The following MUC5B variants were observed in gnomAD, a reference collection of about 807,000 sequenced individuals.
MUC5B encodes the protein mucin 5B, oligomeric mucus/gel-forming, also known as mucin-5B.
MUC5B carries 116 observed loss-of-function variants against 376.9 expected under a neutral mutation model. The ratio of observed to expected loss-of-function variants is 0.31; its 90% CI spans 0.26 to 0.36. The LOEUF is 0.36. Among genes scored for constraint, MUC5B ranks in the 10% least tolerant of loss-of-function variants. The pLI, the probability that MUC5B is intolerant of heterozygous loss-of-function variation, is 1.00. For missense variants in MUC5B, 7,165 were observed against 7,769.9 expected (o/e 0.92, Z 2.93); for synonymous variants, 3,517 against 3,390.9 (o/e 1.04, Z -1.29).
chr11:1,259,516 C>T, intron 44 of MUC5B: 1 of 583,668 alleles, frequency 1.7e-6, no homozygotes. Flanking sequence ...CTGCAGGCTG[C>T]TGGGGACAGG....
rs2133856025 is a variant in MUC5B, at chr11:1,260,103, T to C, written c.16923+18T>C. The C allele has an allele frequency of 6.2e-7, 1 of 1,610,946 alleles. No individual in the cohort carries two copies. Among genetic ancestry groups the C allele is most frequent in the Non-Finnish European group, 8.5e-7 (1 of 1,178,886 alleles). On this transcript the variant is annotated intron_variant, in intron 46 of 48. Coordinates refer to ENST00000529681, the MANE Select transcript of MUC5B (RefSeq NM_002458.3). ...GCTGCAGGGTGTGTGCTGGAGGCCCTGCCCCTGCCTGGGAGTCCTTGTCCA... is the reference window on the plus strand; with the variant it reads ...GCTGCAGGGTGTGTGCTGGAGGCCCCGCCCCTGCCTGGGAGTCCTTGTCCA...
chr11:1,236,694 T>A lies in MUC5B; in HGVS notation c.3057+132T>A, dbSNP rs1590173682. 2.2e-5 allele frequency: 25 copies of A among 1,135,114 alleles called. No homozygotes were observed. In the East Asian group the frequency reaches 6.5e-4, roughly 30 times the overall value. The allele number at this position is 1,135,114 out of a possible 1,614,324, so 70.3% of individuals were successfully genotyped here. ...GCCTGGCTGGTGAGGGCCCTGCCTG[T>A]GGCCTCCACAGTGGGCAGAGGATTT... On this transcript the variant is annotated intron_variant, in intron 24 of 48. Transcript: ENST00000529681.
intron 39 of MUC5B, 28 bp downstream of exon 39, chr11:1,256,799 C>A: frequency 6.0e-6 from 9 of 1,498,064 alleles, no homozygotes; most frequent in Non-Finnish European, 8.0e-6. Flanking sequence ...TGGCGGGATA[C>A]GACCCTGGGC....
At position 1,258,279 on chromosome 11, in the gene MUC5B, G is replaced by C; in HGVS notation, c.16556-51G>C. 6.2e-7 allele frequency: 1 copy of C among 1,602,664 alleles called. No homozygotes were observed. The highest frequency in any genetic ancestry group is 8.5e-7 in the Non-Finnish European group (1 of 1,174,892). ...GGAGTGCAGGATGGTGGGGGCGCTG[G>C]AGCACATGCTCCCCACCACTTGTCG... On this transcript the variant is annotated intron_variant, in intron 42 of 48. Coordinates refer to ENST00000529681, the MANE Select transcript of MUC5B (RefSeq NM_002458.3). This position sits in a 1 kb window ranked among gnomAD's most constrained non-coding sequence, Gnocchi z 5.5.
Position 1,230,367 on chromosome 11 carries a change from G to A in MUC5B, c.1360-123G>A. ...GAGACAAGCTGCTGGGAGGTGACCA[G>A]AGGTGCCAAGGACCACCTCCCCACA... On this transcript the variant is annotated intron_variant, in intron 11 of 48. Coordinates refer to ENST00000529681, the MANE Select transcript of MUC5B (RefSeq NM_002458.3). 6 of 1,122,388 alleles carry A rather than the reference G, an allele frequency of 5.3e-6. No individual in the cohort carries two copies. The South Asian group carries it at 9.2e-5, about 17-fold the overall frequency. The allele number at this position is 1,122,388 out of a possible 1,614,324, so 69.5% of individuals were successfully genotyped here.
intron 7 of MUC5B, 55 bp from the exon 8 acceptor site, chr11:1,228,509 G>A (rs756471702): frequency 1.5e-5 from 22 of 1,443,378 alleles, no homozygotes; most frequent in African/African-American, 2.8e-5. Context: ...TTCCAGCACC[G>A]TGGCAGCCCC....
At position 1,227,102 on chromosome 11, in the gene MUC5B, G is replaced by A. The variant is rs747137289; in HGVS notation, c.533G>A (p.Arg178Gln). 21 of 1,612,414 alleles carry A rather than the reference G, an allele frequency of 1.3e-5. No individual in the cohort carries two copies. Among genetic ancestry groups the A allele is most frequent in the East Asian group, 2.2e-5 (1 of 44,892 alleles). ...QSGDYIKVSIRLVLTFLWNGE... is the reference protein window; with the variant it reads ...QSGDYIKVSIQLVLTFLWNGE... ...GGGGACTACATCAAGGTCAGCATCCGGCTGGTGCTGACATTCCTGTGGAAC... is the reference window on the plus strand; with the variant it reads ...GGGGACTACATCAAGGTCAGCATCCAGCTGGTGCTGACATTCCTGTGGAAC... The change falls in exon 5 of 49, where the codon CGG (arginine) becomes CAG (glutamine). Residue 178 changes from arginine to glutamine, a missense_variant. Physicochemically the swap from Arg to Gln is conservative, Grantham distance 43. This residue lies in a region of MUC5B where 640 missense variants were observed against 733.0 expected (regional missense o/e 0.87). Transcript: ENST00000529681.
Position 1,242,927 on chromosome 11 carries a change from C to A in MUC5B, c.6047C>A (p.Thr2016Asn). The change falls in exon 31 of 49, where the codon ACT becomes AAT. Residue 2016 changes from threonine (T) to asparagine (N), a missense_variant. Thr to Asn is a moderately conservative substitution (Grantham distance 65). Transcript: ENST00000529681. ...STATPSSTPE[T>N]AHTSTVLTAT... The stretch of plus-strand genomic sequence containing the variant: ...GCCACACCCTCCTCCACTCCAGAGA[C>A]TGCCCACACCTCCACAGTGCTTACC... 1 of 1,613,198 alleles carries A rather than the reference C, an allele frequency of 6.2e-7. No individual in the cohort carries two copies. The highest frequency in any genetic ancestry group is 8.5e-7 in the Non-Finnish European group (1 of 1,179,318).
chr11:1,258,252 G>T lies in MUC5B; in HGVS notation c.16555+49G>T. The T allele has an allele frequency of 6.3e-7, 1 of 1,577,832 alleles. No individual in the cohort carries two copies. Among genetic ancestry groups the T allele is most frequent in the East Asian group, 2.3e-5 (1 of 43,182 alleles). ...CCTGGGTGGCCTCTTGCTGGGGGTGGGGGAGTGCAGGATGGTGGGGGCGCT... is the reference window on the plus strand; with the variant it reads ...CCTGGGTGGCCTCTTGCTGGGGGTGTGGGAGTGCAGGATGGTGGGGGCGCT... On this transcript the variant is annotated intron_variant, in intron 42 of 48. Coordinates refer to ENST00000529681, the MANE Select transcript of MUC5B (RefSeq NM_002458.3). The surrounding 1 kb of genome is among the most constrained non-coding windows in gnomAD (Gnocchi z 5.5).
At chr11:1,231,936 G>C in intron 14 of MUC5B, 60 bp from the exon 15 acceptor site, 49 of 1,603,312 alleles carry the variant, frequency 3.1e-5, no homozygotes, top group Non-Finnish European at 4.1e-5. Context: ...GGGATGGCAG[G>C]GGCCAGGAGC....
intron 8 of MUC5B, among the ~76,000 whole-genome samples, 191 bp downstream of exon 8, chr11:1,228,956 AGGAGAGGCTGT>A (rs1424261914): frequency 4.8e-4 from 72 of 150,002 alleles, no homozygotes; most frequent in Non-Finnish European, 1.2e-4. Flanking sequence ...CTGCAGGAGA[AGGAGAGGCTGT>A]GGAGAGGCTG....
At position 1,231,545 on chromosome 11, in the gene MUC5B, C is replaced by G. The variant is rs1373591648; in HGVS notation, c.1663C>G (p.Gln555Glu). 3 of 1,581,518 alleles carry G rather than the reference C, an allele frequency of 1.9e-6. No homozygotes were observed. Among genetic ancestry groups the G allele is most frequent in the South Asian group, 1.1e-5 (1 of 87,252 alleles). ...QVFVRLDPAH[Q>E]GQMCGLCGNF... Reference sequence around the variant, plus strand: ...GTTTGTCAGGCTGGACCCCGCCCACCAGGGCCAGATGTGCGGTGAGGCTGG... The same window carrying G: ...GTTTGTCAGGCTGGACCCCGCCCACGAGGGCCAGATGTGCGGTGAGGCTGG... The change falls in exon 14 of 49, where the codon CAG becomes GAG. Residue 555 changes from glutamine (Q) to glutamate (E), a missense_variant. Gln to Glu is a conservative substitution (Grantham distance 29). Coordinates refer to ENST00000529681, the MANE Select transcript of MUC5B (RefSeq NM_002458.3).
At chr11:1,231,044 C>G (rs756705082) in intron 13 of MUC5B, 39 bp downstream of exon 13, 1 of 1,540,674 alleles carries the variant, frequency 6.5e-7, no homozygotes. Flanking sequence ...TGGGTGGCGC[C>G]TGCTTGCAGG....
At chr11:1,260,907 C>T (rs976382192) in intron 48 of MUC5B, among the ~76,000 whole-genome samples, 179 bp downstream of exon 48, 1 of 152,220 alleles carries the variant, frequency 6.6e-6, no homozygotes, top group Non-Finnish European at 1.5e-5. Context: ...AGCCTGGGGC[C>T]GCTCTCCTAG....
In MUC5B at chr11:1,251,473, G is replaced by A. The variant is rs866049956; in HGVS notation, c.14593G>A (p.Ala4865Thr). The A allele has an allele frequency of 1.9e-6, 3 of 1,612,198 alleles. No individual in the cohort carries two copies. In the African/African-American group the frequency reaches 4.0e-5, roughly 22 times the overall value. Residue 4865 changes from alanine (A) to threonine (T), a missense_variant, in exon 31 of 49, where the codon GCC becomes ACC. Ala to Thr is a moderately conservative substitution (Grantham distance 58, BLOSUM62 0). Transcript: ENST00000529681. ...ATVMVPTGST[A>T]TASSTLGTAH... ...CGTGATGGTGCCCACCGGTTCCACGGCCACCGCCTCCTCCACTCTGGGAAC... is the reference window on the plus strand; with the variant it reads ...CGTGATGGTGCCCACCGGTTCCACGACCACCGCCTCCTCCACTCTGGGAAC...
At position 1,250,878 on chromosome 11, in the gene MUC5B, A is replaced by T. The variant is rs1399536641; in HGVS notation, c.13998A>T (p.Thr4666=). The T allele has an allele frequency of 6.3e-7, 1 of 1,589,604 alleles. No individual in the cohort carries two copies. Among genetic ancestry groups the T allele is most frequent in the Non-Finnish European group, 8.6e-7 (1 of 1,168,820 alleles). The change falls in exon 31 of 49, where the codon ACA becomes ACT. Residue 4666 remains threonine (T), a synonymous_variant. Transcript: ENST00000529681. ...TTTVATGSMA[T]PSSSTQTSGT... ...CTGTGGCCACTGGTTCTATGGCAACACCCTCCTCTAGCACACAGACCAGTG... is the reference window on the plus strand; with the variant it reads ...CTGTGGCCACTGGTTCTATGGCAACTCCCTCCTCTAGCACACAGACCAGTG...
rs753436552 is a variant in MUC5B at position 1,243,741 on chromosome 11, A to T, written c.6861A>T (p.Thr2287=). The part of the protein sequence containing the change: ...TATSRTTATA[T]PSKTRTSTLL... ...CCTCCAGGACCACAGCCACGGCCACACCCAGCAAGACCCGCACCTCGACCC... is the reference window on the plus strand; with the variant it reads ...CCTCCAGGACCACAGCCACGGCCACTCCCAGCAAGACCCGCACCTCGACCC... The change falls in exon 31 of 49, where the codon ACA becomes ACT. Residue 2287 remains threonine, a synonymous_variant. Coordinates refer to ENST00000529681, the MANE Select transcript of MUC5B (RefSeq NM_002458.3). 5.6e-6 allele frequency: 9 copies of T among 1,610,984 alleles called. No homozygotes were observed. In the South Asian group the frequency reaches 9.9e-5, roughly 18 times the overall value.
At position 1,252,894 on chromosome 11, in the gene MUC5B, T is replaced by G; in HGVS notation, c.15131T>G (p.Val5044Gly). ...GTCGTCCTGCTGGACCCAAAGCCTGTGGCCAACGTCACCTGCGTGAACAAG... is the reference window on the plus strand; with the variant it reads ...GTCGTCCTGCTGGACCCAAAGCCTGGGGCCAACGTCACCTGCGTGAACAAG... ...NRVVLLDPKP[V>G]ANVTCVNKHL... The change falls in exon 33 of 49, where the codon GTG (valine) becomes GGG (glycine). Residue 5044 changes from valine (V) to glycine (G), a missense_variant. Physicochemically the swap from Val to Gly is moderately radical, Grantham distance 109. This residue lies in a region of MUC5B where 842 missense variants were observed against 1,016.9 expected (regional missense o/e 0.83). Coordinates refer to ENST00000529681, the MANE Select transcript of MUC5B (RefSeq NM_002458.3). 1 of 1,612,672 alleles carries G rather than the reference T, an allele frequency of 6.2e-7. No individual in the cohort carries two copies. Among genetic ancestry groups the G allele is most frequent in the Non-Finnish European group, 8.5e-7 (1 of 1,179,872 alleles).
In MUC5B at chr11:1,257,826, C is replaced by T. The variant is rs55910218; in HGVS notation, c.16450+116C>T. The T allele has an allele frequency of 0.023, 29,575 of 1,277,486 alleles. 435 individuals are homozygous for T. The highest frequency in any genetic ancestry group is 0.043 in the Admixed American group (1,700 of 39,948). The allele number at this position is 1,277,486 out of a possible 1,614,324, so 79.1% of individuals were successfully genotyped here. A position where few individuals can be genotyped will look rare whatever the true frequency, so the allele number is the denominator to read the frequency against. On this transcript the variant is annotated intron_variant, in intron 41 of 48. Transcript: ENST00000529681. This position sits in a 1 kb window ranked among gnomAD's most constrained non-coding sequence, Gnocchi z 8.9. Reference sequence around the variant, plus strand: ...GCAGAGGAGAGCCACTGTGTCCTGGCGTGACCGCGGCAGGACCACTCGGCA... The same window carrying T: ...GCAGAGGAGAGCCACTGTGTCCTGGTGTGACCGCGGCAGGACCACTCGGCA...
Sources: gnomAD v4.1 joint callset for allele counts (sites outside exome capture counted in the v4.1 genomes callset) on GRCh38, gnomAD v4.1.1 for gene constraint, gnomAD v4.1.1 regional missense constraint, Gnocchi (gnomAD v3.1) non-coding constraint, MANE v1.5 for transcripts, NCBI Gene and HGNC (gene_info 2026-07-23, HGNC 2026-07-21) for gene names.